The following GPLD1 variants were observed in gnomAD, a reference collection of about 807,000 sequenced individuals.
GPLD1 encodes the protein phosphatidylinositol-glycan-specific phospholipase D.
A neutral mutation model predicts 112.6 loss-of-function variants in GPLD1; 84 were observed. That is an observed-to-expected ratio of 0.75 (90% CI 0.63 to 0.89). GPLD1 has a LOEUF of 0.89. Among genes scored for constraint, GPLD1 ranks in the 40% least tolerant of loss-of-function variants. The pLI is 0.00. For synonymous variants in GPLD1, 386 were observed against 403.8 expected (o/e 0.96, Z 0.53); for missense variants, 1,044 against 1,051.5 (o/e 0.99, Z 0.10).
upstream of GPLD1, among the ~76,000 whole-genome samples, chr6:24,490,873 A>G (rs1372444242): frequency 6.6e-6 from 1 of 152,164 alleles, no homozygotes; most frequent in Non-Finnish European, 1.5e-5. Context: ...GAAATCCCGC[A>G]GCTACCCCCA....
At position 24,435,450 on chromosome 6, in the gene GPLD1, G is replaced by A. The variant is rs958751030; in HGVS notation, c.2358+1126C>T. ...CTAAAGGTAAGCAGGTATTAGCTCT[G>A]CAGAGTGGAATTTTAGGTAGATAAT... On this transcript the variant is annotated intron_variant, in intron 22 of 24. Transcript: ENST00000230036. Among the ~76,000 whole-genome samples the A allele has an allele frequency of 1.7e-4, 26 of 152,140 alleles. 1 individual carries two copies. Among genetic ancestry groups the A allele is most frequent in the Non-Finnish European group, 1.5e-5 (1 of 68,018 alleles).
Position 24,433,076 on chromosome 6 carries a change from C to T in GPLD1, c.2436+111G>A, listed in dbSNP as rs1261065879. On this transcript the variant is annotated intron_variant, in intron 24 of 24. Coordinates refer to ENST00000230036, the MANE Select transcript of GPLD1 (RefSeq NM_001503.4). ...TGTGAATGTTACTTTCTGTGTGTTC[C>T]TCTCCTTTTCAAATAAAAATAAAAT... 3.7e-6 allele frequency: 3 copies of T among 804,648 alleles called. No homozygotes were observed. In the Admixed American group the frequency reaches 5.2e-5, roughly 14 times the overall value. 49.8% of individuals were successfully genotyped at this position (804,648 alleles called of 1,614,324 possible). A position where few individuals can be genotyped will look rare whatever the true frequency, so the allele number is the denominator to read the frequency against.
intron 3 of GPLD1, among the ~76,000 whole-genome samples, chr6:24,478,486 C>T (rs761117983): frequency 3.8e-5 from 5 of 131,002 alleles, no homozygotes; most frequent in Middle Eastern, 3.7e-3. Flanking sequence ...AAGTACCCAG[C>T]GTGCTGGGGG....
intron 1 of GPLD1, 107 bp downstream of exon 1, chr6:24,489,308 C>A (rs1764486471): frequency 1.2e-6 from 1 of 822,534 alleles, no homozygotes; most frequent in African/African-American, 1.7e-5. Context: ...CAGCTCAGTG[C>A]CCAGGGGAAA....
chr6:24,484,595 A>C (rs1581790036), intron 2 of GPLD1, among the ~76,000 whole-genome samples: 1 of 152,204 alleles, frequency 6.6e-6, no homozygotes. Context: ...CATGTTTTAA[A>C]TTAATAATAC....
intron 1 of GPLD1, among the ~76,000 whole-genome samples, chr6:24,488,660 G>A (rs1764463124): frequency 6.6e-6 from 1 of 152,152 alleles, no homozygotes. Flanking sequence ...TAGCTTGATT[G>A]TGCTAATCAT....
intron 2 of GPLD1, among the ~76,000 whole-genome samples, chr6:24,482,572 C>T (rs993437337): frequency 3.3e-5 from 5 of 152,196 alleles, no homozygotes; most frequent in Non-Finnish European, 5.9e-5. Flanking sequence ...TGAGCCACTG[C>T]GCCCAGATAA....
intron 24 of GPLD1, 34 bp from the exon 25 acceptor site, chr6:24,429,152 T>C (rs770823428): frequency 1.5e-6 from 2 of 1,358,878 alleles, no homozygotes; most frequent in East Asian, 2.3e-5. Flanking sequence ...TCATGGCTCA[T>C]TCATAACATC....
At chr6:24,479,283 A>G (rs1309887448) in intron 3 of GPLD1, among the ~76,000 whole-genome samples, 1 of 152,204 alleles carries the variant, frequency 6.6e-6, no homozygotes, top group African/African-American at 2.4e-5. Flanking sequence ...TAAGAGAGAG[A>G]GTGTTCCTGA....
At chr6:24,434,837 CAAAA>C (rs747085341) in intron 22 of GPLD1, among the ~76,000 whole-genome samples, 1 of 65,460 alleles carries the variant, frequency 1.5e-5, no homozygotes. Context: ...GACTCCGTCT[CAAAA>C]AAAAAAAAAA....
chr6:24,449,920 T>C (rs1227511994), intron 14 of GPLD1, 21 bp from the exon 15 acceptor site: 3 of 1,561,256 alleles, frequency 1.9e-6, no homozygotes, highest in African/African-American at 2.9e-5. Context: ...ACAAGTTTAC[T>C]TCCCCTGGGC....
intron 20 of GPLD1, among the ~76,000 whole-genome samples, chr6:24,444,647 TAG>T (rs1208437302): frequency 2.0e-5 from 3 of 152,052 alleles, no homozygotes; most frequent in African/African-American, 7.3e-5. Flanking sequence ...GCCCAGGAGT[TAG>T]AGACCAGTCT....
At chr6:24,490,205 C>T (rs1764519086), upstream of GPLD1, among the ~76,000 whole-genome samples, 1 of 152,090 alleles carries the variant, frequency 6.6e-6, no homozygotes, top group Non-Finnish European at 1.5e-5. Context: ...GTCAATTCCA[C>T]TTGGGAGGTG....
chr6:24,448,560 CTA>C (rs143916050), intron 15 of GPLD1, among the ~76,000 whole-genome samples: 1,949 of 152,260 alleles, frequency 0.013, 18 homozygotes, highest in South Asian at 0.047. Context: ...TTCCATCAGA[CTA>C]TGAGAGTCCA....
chr6:24,478,302 G>C (rs1191148861), intron 3 of GPLD1, among the ~76,000 whole-genome samples: 1 of 152,202 alleles, frequency 6.6e-6, no homozygotes, highest in African/African-American at 2.4e-5. Context: ...AACAGACTAA[G>C]AGGGAAACAG....
rs1371224105 is a variant in GPLD1, at chr6:24,476,244, C to T, written c.267G>A (p.Trp89Ter). 6.4e-7 allele frequency: 1 copy of T among 1,568,110 alleles called. No homozygotes were observed. The highest frequency in any genetic ancestry group is 1.8e-5 in the Admixed American group (1 of 55,716). The change falls in exon 4 of 25, where the codon TGG becomes TGA. Residue 89 changes from tryptophan (W) to a stop codon, truncating the protein, a stop_gained. Coordinates refer to ENST00000230036, the MANE Select transcript of GPLD1 (RefSeq NM_001503.4). LOFTEE classifies it high-confidence loss of function. ...KFHDVSESTH[W>*]TPFLNASVHY... is the part of the protein sequence containing the mutation. The stretch of plus-strand genomic sequence containing the variant: ...GAACGCTTGCATTAAGAAACGGAGT[C>T]CAGTGAGTGCTCTCAGACACATCAT...
At chr6:24,482,097 A>ATTTT (rs66567770) in intron 2 of GPLD1, among the ~76,000 whole-genome samples, 46 of 103,196 alleles carry the variant, frequency 4.5e-4, no homozygotes, top group African/African-American at 7.4e-4. Flanking sequence ...GTATTTTTGG[A>ATTTT]TTTTTTTTTT....
intron 2 of GPLD1, among the ~76,000 whole-genome samples, chr6:24,485,827 G>A (rs2760132): frequency 0.3 from 45,428 of 151,752 alleles, 7,063 homozygotes; most frequent in Non-Finnish European, 0.33. Flanking sequence ...GCACCACCAC[G>A]CCCGGCTAAT....
chr6:24,439,917 A>G lies in GPLD1; in HGVS notation c.2021-2628T>C, dbSNP rs1388825368. Among the ~76,000 whole-genome samples the G allele has an allele frequency of 7.2e-5, 11 of 152,156 alleles. 1 individual carries two copies. The East Asian group carries it at 2.1e-3, about 29-fold the overall frequency. ...GGACCATTATCTTTTAGACCTCCAT[A>G]TTGCCTTAATTTCTGCCACGAGCAC... On this transcript the variant is annotated intron_variant, in intron 20 of 24. Coordinates refer to ENST00000230036, the MANE Select transcript of GPLD1 (RefSeq NM_001503.4).
Sources: gnomAD v4.1 joint callset for allele counts (sites outside exome capture counted in the v4.1 genomes callset) on GRCh38, gnomAD v4.1.1 for gene constraint, MANE v1.5 for transcripts, NCBI Gene and HGNC (gene_info 2026-07-23, HGNC 2026-07-21) for gene names.